UPP1: variants seen among roughly 807,000 people sequenced by gnomAD.
UPP1 encodes UPase 1.
Under a neutral mutation model 29.6 loss-of-function variants are expected in UPP1, and 25 were observed. That is an observed-to-expected ratio of 0.85 (90% CI 0.62 to 1.18). The LOEUF is 1.18. Ranked by LOEUF, UPP1 falls within the 50% of genes most tolerant of loss-of-function variation. The probability of loss-of-function intolerance (pLI) is 0.00; values close to 1 mark genes in which losing one functional copy is unlikely to be tolerated. For synonymous variants in UPP1, 165 were observed against 159.8 expected, an observed-to-expected ratio of 1.03 and a Z score of -0.25; for missense variants, 368 against 410.4, an observed-to-expected ratio of 0.90 and a Z score of 0.89.
intron 3 of UPP1, among the ~76,000 whole-genome samples, chr7:48,097,500 C>T (rs957195086): frequency 6.6e-6 from 1 of 152,172 alleles, no homozygotes; most frequent in Non-Finnish European, 1.5e-5. Context: ...TCCTAAAGTA[C>T]TGGGATTACA....
Position 48,106,931 on chromosome 7 carries a change from A to G in UPP1, c.495A>G (p.Ala165=). 6.2e-7 allele frequency: 1 copy of G among 1,613,654 alleles called. No individual in the cohort carries two copies. Among genetic ancestry groups the G allele is most frequent in the South Asian group, 1.1e-5 (1 of 91,058 alleles). The change falls in exon 7 of 9, where the codon GCA becomes GCG. Residue 165 remains alanine, a synonymous_variant. Coordinates refer to ENST00000395564, the MANE Select transcript of UPP1 (RefSeq NM_003364.4). ...TEQAVDTCFK[A]EFEQIVLGKR... is the part of the protein sequence containing the mutation. Reference sequence around the variant, plus strand: ...AGGCAGTGGATACCTGCTTCAAGGCAGAGTTTGAGCAGATTGTCCTGGGGA... The same window carrying G: ...AGGCAGTGGATACCTGCTTCAAGGCGGAGTTTGAGCAGATTGTCCTGGGGA...
At chr7:48,089,994 A>C (rs1451451417) in intron 1 of UPP1, among the ~76,000 whole-genome samples, 194 bp from the exon 2 acceptor site, 1 of 152,246 alleles carries the variant, frequency 6.6e-6, no homozygotes, top group African/African-American at 2.4e-5. Flanking sequence ...GCGAGCTTTC[A>C]GAGTTCAGAT....
chr7:48,108,546 C>T lies in UPP1; in HGVS notation c.*189C>T, dbSNP rs756153516. The T allele has an allele frequency of 6.1e-5, 39 of 634,800 alleles. No homozygotes were observed. The highest frequency in any genetic ancestry group is 8.8e-5 in the Non-Finnish European group (37 of 418,098). The allele number at this position is 634,800 out of a possible 1,614,324, so 39.3% of individuals were successfully genotyped here. ...TCTTCCTTTTGAAGTTTCATTGGAG[C>T]ATTTTCAATGATGTTAGCCTGATTT... On this transcript the variant is annotated 3_prime_UTR_variant, in exon 9 of 9. Transcript: ENST00000395564.
chr7:48,106,673 CT>C lies in UPP1; in HGVS notation c.437-197del, dbSNP rs958777003. 7.0e-6 allele frequency: 4 copies of C among 573,968 alleles called. No individual in the cohort carries two copies. In the African/African-American group the frequency reaches 7.5e-5, roughly 11 times the overall value. 35.6% of individuals were successfully genotyped at this position (573,968 alleles called of 1,614,324 possible). The stretch of plus-strand genomic sequence containing the variant: ...GTCCATAATGATCATGCATTAATTA[CT>C]TTCATAGCTTAAAAAAAAGTTGAAT... On this transcript the variant is annotated intron_variant, in intron 6 of 8. Coordinates refer to ENST00000395564, the MANE Select transcript of UPP1 (RefSeq NM_003364.4).
chr7:48,107,174 C>A, intron 7 of UPP1, 92 bp downstream of exon 7: 1 of 1,496,072 alleles, frequency 6.7e-7, no homozygotes, highest in South Asian at 1.2e-5. Context: ...GGCGTTTCCA[C>A]TTGCCAGGCT....
At chr7:48,101,456 A>G (rs1383203037) in intron 4 of UPP1, among the ~76,000 whole-genome samples, 2 of 152,034 alleles carry the variant, frequency 1.3e-5, no homozygotes, top group Non-Finnish European at 2.9e-5. Context: ...ACACAGAGGG[A>G]CAGTGAGGAG....
At chr7:48,104,217 A>C (rs1792601981) in intron 6 of UPP1, among the ~76,000 whole-genome samples, 1 of 151,998 alleles carries the variant, frequency 6.6e-6, no homozygotes, top group Non-Finnish European at 1.5e-5. Context: ...ACTCCATCTC[A>C]ACAACAACAA....
intron 6 of UPP1, chr7:48,106,084 C>T (rs1792716115): frequency 6.6e-6 from 1 of 152,184 alleles, no homozygotes; most frequent in Non-Finnish European, 1.5e-5. Context: ...CATAGCTCAC[C>T]TGGGTTTAGG....
intron 8 of UPP1, among the ~76,000 whole-genome samples, chr7:48,107,790 A>C (rs893982157): frequency 5.9e-5 from 9 of 152,148 alleles, no homozygotes; most frequent in African/African-American, 1.9e-4. Flanking sequence ...GTCTATAAAA[A>C]ACTCGGCTTT....
intron 8 of UPP1, 54 bp downstream of exon 8, chr7:48,107,561 C>T: frequency 6.5e-7 from 1 of 1,530,818 alleles, no homozygotes; most frequent in South Asian, 1.3e-5. Context: ...CTTCTGCTCT[C>T]CTGGAGCCCC....
Position 48,108,552 on chromosome 7 carries a change from C to G in UPP1, c.*195C>G. 1.6e-6 allele frequency: 1 copy of G among 610,116 alleles called. No individual in the cohort carries two copies. Among genetic ancestry groups the G allele is most frequent in the Non-Finnish European group, 2.5e-6 (1 of 395,888 alleles). 37.8% of individuals were successfully genotyped at this position (610,116 alleles called of 1,614,324 possible). A position where few individuals can be genotyped will look rare whatever the true frequency, so the allele number is the denominator to read the frequency against. On this transcript the variant is annotated 3_prime_UTR_variant, in exon 9 of 9. Transcript: ENST00000395564. ...TTTTGAAGTTTCATTGGAGCATTTT[C>G]AATGATGTTAGCCTGATTTGGGGTT...
intron 3 of UPP1, among the ~76,000 whole-genome samples, chr7:48,098,860 A>G (rs1246746475): frequency 6.6e-6 from 1 of 152,196 alleles, no homozygotes; most frequent in Non-Finnish European, 1.5e-5. Context: ...GGCTGGCTCT[A>G]AGGGACTTCG....
chr7:48,093,512 G>A (rs753055501), intron 2 of UPP1, among the ~76,000 whole-genome samples: 1 of 152,156 alleles, frequency 6.6e-6, no homozygotes, highest in African/African-American at 2.4e-5. Context: ...CCAGGGAGTT[G>A]GGGGCCTGGC....
chr7:48,107,991 G>A (rs1792857934), intron 8 of UPP1, among the ~76,000 whole-genome samples: 1 of 152,204 alleles, frequency 6.6e-6, no homozygotes, highest in South Asian at 2.1e-4. Context: ...GAGAATAAGG[G>A]AGGGACAGGG....
intron 1 of UPP1, 80 bp from the exon 2 acceptor site, chr7:48,090,108 C>CGT (rs1791742008): frequency 6.6e-6 from 1 of 152,182 alleles, no homozygotes; most frequent in Non-Finnish European, 1.5e-5. Context: ...CAGGCATATG[C>CGT]GTTATATGAC....
In UPP1 at chr7:48,103,205, T is replaced by C. The variant is rs182778610; in HGVS notation, c.322-92T>C. On this transcript the variant is annotated intron_variant, in intron 5 of 8. Transcript: ENST00000395564. ...TCTTTCATCACTATGTCAATGGGCA[T>C]GTTAGATTGAATTACATCACATGAA... The C allele has an allele frequency of 1.8e-4, 157 of 881,394 alleles. 1 individual carries two copies. The East Asian group carries it at 3.8e-3, about 21-fold the overall frequency. 54.6% of individuals were successfully genotyped at this position (881,394 alleles called of 1,614,324 possible).
intron 2 of UPP1, among the ~76,000 whole-genome samples, chr7:48,093,295 G>T (rs1322625993): frequency 6.6e-6 from 1 of 152,180 alleles, no homozygotes; most frequent in Non-Finnish European, 1.5e-5. Flanking sequence ...CTCCAAAAAG[G>T]GACCTTTTGG....
intron 2 of UPP1, among the ~76,000 whole-genome samples, chr7:48,091,188 T>C (rs1791811012): frequency 6.6e-6 from 1 of 152,220 alleles, no homozygotes; most frequent in Non-Finnish European, 1.5e-5. Flanking sequence ...CAAAAAAGTA[T>C]TTTAAATGTT....
At chr7:48,092,367 C>T (rs1190678576) in intron 2 of UPP1, among the ~76,000 whole-genome samples, 9 of 152,268 alleles carry the variant, frequency 5.9e-5, no homozygotes, top group Admixed American at 1.3e-4. Context: ...CAGACCCCTA[C>T]GCCCCGGGAT....
Sources: allele counts gnomAD v4.1 joint callset (sites outside exome capture counted in the v4.1 genomes callset), GRCh38; gene constraint gnomAD v4.1.1; transcripts MANE v1.5; gene names NCBI Gene and HGNC (gene_info 2026-07-23, HGNC 2026-07-21).